The following BHMT variants were observed in gnomAD, a reference collection of about 807,000 sequenced individuals.
BHMT encodes the protein betaine--homocysteine S-methyltransferase 1.
In BHMT, 38 loss-of-function variants were observed where a neutral mutation model predicts 49.5. The observed-to-expected ratio is 0.77, with a 90% CI of 0.59 to 1.01. The LOEUF is 1.01. BHMT is among the 50% of genes least tolerant of loss of function. The pLI, the probability that BHMT is intolerant of heterozygous loss-of-function variation, is 0.00. For synonymous variants in BHMT, 166 were observed against 176.3 expected, an observed-to-expected ratio of 0.94 and a Z score of 0.46; for missense variants, 426 against 495.7, an observed-to-expected ratio of 0.86 and a Z score of 1.34.
chr5:79,119,421 CCT>C (rs1756433647), intron 3 of BHMT, 44 bp downstream of exon 3: 1 of 1,470,988 alleles, frequency 6.8e-7, no homozygotes, highest in Admixed American at 1.8e-5. Context: ...ATATTGTCGA[CCT>C]ATTGCATCAA....
chr5:79,113,922 C>T (rs1580267380), intron 1 of BHMT, among the ~76,000 whole-genome samples: 2 of 152,108 alleles, frequency 1.3e-5, no homozygotes, highest in Middle Eastern at 6.8e-3. Flanking sequence ...CTATGCTGCA[C>T]ATTAAAATGC....
In BHMT at chr5:79,131,896, A is replaced by C. The variant is rs1756648587; in HGVS notation, c.*780A>C. On this transcript the variant is annotated 3_prime_UTR_variant, in exon 8 of 8. Coordinates refer to ENST00000274353, the MANE Select transcript of BHMT (RefSeq NM_001713.3). ...ACTTTTCTACCAGTAAAAGACATAG[A>C]CCAATGGGGAGGAGGGGAGGAGAGA... The C allele has an allele frequency of 6.7e-6, 1 of 149,636 alleles. No homozygotes were observed. Among genetic ancestry groups the C allele is most frequent in the South Asian group, 2.1e-4 (1 of 4,818 alleles). 9.3% of individuals were successfully genotyped at this position (149,636 alleles called of 1,614,324 possible).
intron 7 of BHMT, among the ~76,000 whole-genome samples, chr5:79,128,569 G>A (rs1026692096): frequency 3.2e-4 from 48 of 148,166 alleles, no homozygotes; most frequent in African/African-American, 1.1e-3. Flanking sequence ...GTAAATAAAC[G>A]TAAGTGGCAA....
intron 1 of BHMT, 72 bp downstream of exon 1, chr5:79,111,990 G>T: frequency 3.5e-6 from 5 of 1,446,560 alleles, no homozygotes; most frequent in Non-Finnish European, 4.6e-6. Context: ...CTCTGGGAGC[G>T]CAGAGGGGCC....
chr5:79,130,426 C>T (rs1298806906), intron 7 of BHMT, among the ~76,000 whole-genome samples: 1 of 152,098 alleles, frequency 6.6e-6, no homozygotes, highest in Non-Finnish European at 1.5e-5. Context: ...CAGAATGGAC[C>T]GCTTCCCAGT....
In BHMT at chr5:79,119,364, T is replaced by G; in HGVS notation, c.272T>G (p.Leu91Ter). ...DKLENRGNYV[L>*]EKISGQEVNE... is the part of the protein sequence containing the mutation. ...CTGGAGAACAGGGGCAACTATGTCTTAGAGAAGATATCTGTGAGTAAAACC... is the reference window on the plus strand; with the variant it reads ...CTGGAGAACAGGGGCAACTATGTCTGAGAGAAGATATCTGTGAGTAAAACC... The change falls in exon 3 of 8, where the codon TTA becomes TGA. Residue 91 changes from leucine (L) to a stop codon, truncating the protein, a stop_gained. Transcript: ENST00000274353. LOFTEE classifies it high-confidence loss of function. 1 of 1,612,286 alleles carries G rather than the reference T, an allele frequency of 6.2e-7. No homozygotes were observed. The highest frequency in any genetic ancestry group is 8.5e-7 in the Non-Finnish European group (1 of 1,178,700).
At chr5:79,126,009 T>G in intron 5 of BHMT, 37 bp from the exon 6 acceptor site, 1 of 1,564,990 alleles carries the variant, frequency 6.4e-7, no homozygotes, top group Non-Finnish European at 8.7e-7. Context: ...TGGTTTCTGG[T>G]GCATCCCTAA....
chr5:79,114,121 A>G (rs1217965156), intron 1 of BHMT, among the ~76,000 whole-genome samples: 1 of 129,320 alleles, frequency 7.7e-6, no homozygotes, highest in Non-Finnish European at 1.8e-5. Flanking sequence ...ATGTATACAT[A>G]TATATATTAT....
At chr5:79,130,265 C>T (rs1297787442) in intron 7 of BHMT, among the ~76,000 whole-genome samples, 1 of 152,154 alleles carries the variant, frequency 6.6e-6, no homozygotes, top group Non-Finnish European at 1.5e-5. Context: ...AATGGATGCA[C>T]TCTGAGAATC....
intron 2 of BHMT, 22 bp downstream of exon 2, chr5:79,115,921 A>G: frequency 6.3e-7 from 1 of 1,594,338 alleles, no homozygotes; most frequent in Non-Finnish European, 8.5e-7. Flanking sequence ...GCTCTATTGT[A>G]AGTTCTCATA....
Position 79,132,120 on chromosome 5 carries a change from C to T in BHMT, c.*1004C>T, listed in dbSNP as rs1281247879. 1 of 152,196 alleles carries T rather than the reference C, an allele frequency of 6.6e-6. No homozygotes were observed. Among genetic ancestry groups the T allele is most frequent in the Non-Finnish European group, 1.5e-5 (1 of 68,044 alleles). 9.4% of individuals were successfully genotyped at this position (152,196 alleles called of 1,614,324 possible). On this transcript the variant is annotated 3_prime_UTR_variant, in exon 8 of 8. Transcript: ENST00000274353. ...TTTTTCTCTGATAATTTAATATCTA[C>T]TCTCCTACAAAAGCTCAAGCCTGAA...
intron 2 of BHMT, 23 bp from the exon 3 acceptor site, chr5:79,119,236 C>G (rs761846550): frequency 3.0e-5 from 46 of 1,545,994 alleles, no homozygotes; most frequent in Admixed American, 7.7e-5. Context: ...AGAAATTATA[C>G]CTTTCCTCAT....
Position 79,127,765 on chromosome 5 carries a change from C to T in BHMT, c.819C>T (p.Pro273=). The T allele has an allele frequency of 6.2e-7, 1 of 1,613,964 alleles. No homozygotes were observed. Among genetic ancestry groups the T allele is most frequent in the Non-Finnish European group, 8.5e-7 (1 of 1,179,888 alleles). Residue 273 remains proline (P), a synonymous_variant, in exon 7 of 8, where the codon CCC becomes CCT. Coordinates refer to ENST00000274353, the MANE Select transcript of BHMT (RefSeq NM_001713.3). ...DLPEFPFGLE[P]RVATRWDIQK... is the part of the protein sequence containing the mutation. ...TGCCACTTATTACAGGACTGGAACC[C>T]AGAGTTGCCACCAGATGGGATATTC...
chr5:79,121,410 G>C, intron 5 of BHMT, 45 bp downstream of exon 5: 1 of 1,609,854 alleles, frequency 6.2e-7, no homozygotes, highest in Non-Finnish European at 8.5e-7. Flanking sequence ...AGTCTTAAAA[G>C]AACACACTAG....
intron 2 of BHMT, among the ~76,000 whole-genome samples, chr5:79,116,819 C>T (rs574450163): frequency 6.6e-5 from 10 of 151,968 alleles, no homozygotes; most frequent in African/African-American, 1.2e-4. Context: ...TTAGTATAAG[C>T]GACGTCATTG....
chr5:79,111,897 T>G lies in BHMT; in HGVS notation c.12T>G (p.Val4=). The change falls in exon 1 of 8, where the codon GTT becomes GTG. Residue 4 remains valine (V), a synonymous_variant. Coordinates refer to ENST00000274353, the MANE Select transcript of BHMT (RefSeq NM_001713.3). MPP[V]GGKKAKKGIL... is the part of the protein sequence containing the mutation. ...TGGACACCACGAAGATGCCACCCGTTGGGGGCAAAAAGGCCAAGAAGGTGA... is the reference window on the plus strand; with the variant it reads ...TGGACACCACGAAGATGCCACCCGTGGGGGGCAAAAAGGCCAAGAAGGTGA... 6.2e-7 allele frequency: 1 copy of G among 1,611,618 alleles called. No individual in the cohort carries two copies. The highest frequency in any genetic ancestry group is 8.5e-7 in the Non-Finnish European group (1 of 1,178,936).
chr5:79,126,438 A>T (rs1756555327), intron 6 of BHMT: 3 of 523,122 alleles, frequency 5.7e-6, no homozygotes, highest in Admixed American at 3.5e-5. Flanking sequence ...AGCAAAAAAG[A>T]TCTCTGAATT....
chr5:79,118,548 T>G (rs1756420271), intron 2 of BHMT, among the ~76,000 whole-genome samples: 1 of 152,232 alleles, frequency 6.6e-6, no homozygotes, highest in African/African-American at 2.4e-5. Flanking sequence ...GAAATCTTGC[T>G]CCAATTCTTA....
At chr5:79,111,960 C>A in intron 1 of BHMT, 42 bp downstream of exon 1, 1 of 1,540,422 alleles carries the variant, frequency 6.5e-7, no homozygotes, top group Admixed American at 1.9e-5. Context: ...CTTCCCCTCC[C>A]ACCTGCTCTG....
Sources: gnomAD v4.1 joint callset for allele counts (sites outside exome capture counted in the v4.1 genomes callset) on GRCh38, gnomAD v4.1.1 for gene constraint, MANE v1.5 for transcripts, NCBI Gene and HGNC (gene_info 2026-07-23, HGNC 2026-07-21) for gene names.